Variants in GFRAL observed in about 807,000 individuals in gnomAD.
GFRAL encodes the protein GDNF family receptor alpha like.
In GFRAL, 36 loss-of-function variants were observed where a neutral mutation model predicts 45.4. The ratio of observed to expected loss-of-function variants is 0.79; its 90% CI spans 0.61 to 1.05. GFRAL has a LOEUF of 1.05. GFRAL is among the 50% of genes least tolerant of loss of function. The probability of loss-of-function intolerance (pLI) is 0.00; values close to 1 mark genes in which losing one functional copy is unlikely to be tolerated. For missense variants in GFRAL, 507 were observed against 467.5 expected (o/e 1.08, Z -0.78); for synonymous variants, 166 against 154.1 (o/e 1.08, Z -0.57).
At chr6:55,332,488 C>A (rs1036909418) in intron 2 of GFRAL, among the ~76,000 whole-genome samples, 1 of 151,674 alleles carries the variant, frequency 6.6e-6, no homozygotes, top group Non-Finnish European at 1.5e-5. Context: ...TGCGTGATCT[C>A]GGCTCACTGC....
chr6:55,350,065 G>A (rs759133104), intron 3 of GFRAL, 27 bp from the exon 4 acceptor site: 1 of 1,349,974 alleles, frequency 7.4e-7, no homozygotes, highest in Non-Finnish European at 1.1e-6. Flanking sequence ...GTTCAATAAT[G>A]AAATAATTTC....
At chr6:55,362,320 T>G (rs1303020741) in intron 6 of GFRAL, among the ~76,000 whole-genome samples, 1 of 151,328 alleles carries the variant, frequency 6.6e-6, no homozygotes, top group Admixed American at 6.6e-5. Flanking sequence ...AACAAAAAAC[T>G]TATATCTGTT....
At chr6:55,350,023 G>A in intron 3 of GFRAL, 69 bp from the exon 4 acceptor site, 3 of 878,862 alleles carry the variant, frequency 3.4e-6, no homozygotes, top group Non-Finnish European at 5.8e-6. Flanking sequence ...TTATAAATGT[G>A]GCCCACGTTT....
intron 6 of GFRAL, among the ~76,000 whole-genome samples, chr6:55,396,027 T>A (rs1768820564): frequency 1.3e-5 from 2 of 152,278 alleles, no homozygotes; most frequent in Admixed American, 1.3e-4. Context: ...TGAGGTTAGT[T>A]ATCAACTTTT....
At chr6:55,382,144 C>T (rs139212821) in intron 6 of GFRAL, among the ~76,000 whole-genome samples, 1 of 151,986 alleles carries the variant, frequency 6.6e-6, no homozygotes, top group African/African-American at 2.4e-5. Context: ...AGCCTCTAAA[C>T]AGTCCAGTAT....
chr6:55,372,499 T>C (rs1181032029), intron 6 of GFRAL, among the ~76,000 whole-genome samples: 1 of 152,198 alleles, frequency 6.6e-6, no homozygotes, highest in African/African-American at 2.4e-5. Flanking sequence ...CAATCAGCAT[T>C]AACATTGGTC....
In GFRAL at chr6:55,357,151, T is replaced by G. The variant is rs537251859; in HGVS notation, c.702-1737T>G. Among the ~76,000 whole-genome samples the G allele has an allele frequency of 3.3e-5, 5 of 151,980 alleles. No homozygotes were observed. In the South Asian group the frequency reaches 1.0e-3, roughly 32 times the overall value. ...ACAACGATCTGCGTGCTGAGGAGAA[T>G]AATGTGTATTCTTCAGCTATTGTAT... On this transcript the variant is annotated intron_variant, in intron 5 of 8. Coordinates refer to ENST00000340465, the MANE Select transcript of GFRAL (RefSeq NM_207410.2).
intron 3 of GFRAL, among the ~76,000 whole-genome samples, chr6:55,344,627 G>T (rs1355765990): frequency 6.6e-6 from 1 of 152,130 alleles, no homozygotes; most frequent in Admixed American, 6.5e-5. Context: ...TTGAAAACTG[G>T]CACAAGACAG....
Position 55,351,537 on chromosome 6 carries a change from A to G in GFRAL, c.655A>G (p.Thr219Ala). 1.2e-6 allele frequency: 2 copies of G among 1,607,496 alleles called. No individual in the cohort carries two copies. Among genetic ancestry groups the G allele is most frequent in the Non-Finnish European group, 1.7e-6 (2 of 1,174,662 alleles). ...TGCAGTGAACATGGTTCCACCCCCT[A>G]CTTGCCTCAGTGTAATTCGCAGCTG... is the stretch of plus-strand genomic sequence containing the variant. ...TCAVNMVPPP[T>A]CLSVIRSCQN... The change falls in exon 5 of 9, where the codon ACT (threonine) becomes GCT (alanine). Residue 219 changes from threonine (T) to alanine (A), a missense_variant. By Grantham distance (58) the Thr-to-Ala change is moderately conservative (BLOSUM62 0). Coordinates refer to ENST00000340465, the MANE Select transcript of GFRAL (RefSeq NM_207410.2).
At chr6:55,347,784 C>T (rs1768062915) in intron 3 of GFRAL, among the ~76,000 whole-genome samples, 1 of 152,026 alleles carries the variant, frequency 6.6e-6, no homozygotes, top group South Asian at 2.1e-4. Context: ...TATTTTTCTT[C>T]TTGCTTCCAT....
intron 6 of GFRAL, among the ~76,000 whole-genome samples, chr6:55,376,551 T>C (rs1768537384): frequency 6.6e-6 from 1 of 152,038 alleles, no homozygotes; most frequent in African/African-American, 2.4e-5. Context: ...AGAGATTCAG[T>C]TTCTTCCTGG....
intron 8 of GFRAL, 141 bp from the exon 9 acceptor site, chr6:55,401,649 T>C (rs941532857): frequency 1.6e-6 from 1 of 628,246 alleles, no homozygotes; most frequent in Non-Finnish European, 2.8e-6. Flanking sequence ...TATGATATTT[T>C]ACTATTGGGA....
chr6:55,378,621 G>A (rs74587736), intron 6 of GFRAL, among the ~76,000 whole-genome samples: 28 of 152,018 alleles, frequency 1.8e-4, no homozygotes, highest in East Asian at 5.8e-4. Flanking sequence ...ATTTGCCCAC[G>A]TCTTGCCACT....
rs1767896074 is a variant in GFRAL, at chr6:55,336,758, T to G, written c.316+2814T>G. ...TACCCCAACTAGAGCTTTCAATATATTAAATAGAATTGTTGAAAGTGGACA... is the reference window on the plus strand; with the variant it reads ...TACCCCAACTAGAGCTTTCAATATAGTAAATAGAATTGTTGAAAGTGGACA... On this transcript the variant is annotated intron_variant, in intron 3 of 8. Coordinates refer to ENST00000340465, the MANE Select transcript of GFRAL (RefSeq NM_207410.2). Among the ~76,000 whole-genome samples the G allele has an allele frequency of 2.0e-5, 3 of 152,174 alleles. No individual in the cohort carries two copies. In the South Asian group the frequency reaches 6.2e-4, roughly 31 times the overall value.
intron 3 of GFRAL, among the ~76,000 whole-genome samples, chr6:55,339,383 G>A (rs1429044021): frequency 6.6e-6 from 1 of 152,102 alleles, no homozygotes; most frequent in Admixed American, 6.5e-5. Context: ...ATGTAAAGGA[G>A]CATGCCTCAT....
At chr6:55,354,795 A>C (rs1768165694) in intron 5 of GFRAL, among the ~76,000 whole-genome samples, 1 of 152,042 alleles carries the variant, frequency 6.6e-6, no homozygotes, top group Non-Finnish European at 1.5e-5. Flanking sequence ...AAAACAGGGC[A>C]CTTCAGTTTT....
intron 6 of GFRAL, among the ~76,000 whole-genome samples, chr6:55,389,222 T>C (rs1847119): frequency 0.039 from 5,949 of 152,256 alleles, 165 homozygotes; most frequent in African/African-American, 0.056. Context: ...ATTAGTTATT[T>C]TTCCTGATCC....
At chr6:55,392,219 T>C (rs913062737) in intron 6 of GFRAL, among the ~76,000 whole-genome samples, 2 of 152,190 alleles carry the variant, frequency 1.3e-5, no homozygotes, top group African/African-American at 2.4e-5. Flanking sequence ...GGTTGTCCCT[T>C]ATTGATTCAA....
intron 3 of GFRAL, among the ~76,000 whole-genome samples, chr6:55,346,273 A>G (rs1014557953): frequency 6.6e-6 from 1 of 152,184 alleles, no homozygotes; most frequent in Admixed American, 6.5e-5. Flanking sequence ...TCACAATAGC[A>G]AAGACTTGGA....
Sources: allele counts gnomAD v4.1 joint callset (sites outside exome capture counted in the v4.1 genomes callset), GRCh38; gene constraint gnomAD v4.1.1; transcripts MANE v1.5; gene names NCBI Gene and HGNC (gene_info 2026-07-23, HGNC 2026-07-21).